HSH2D: variants seen among roughly 807,000 people sequenced by gnomAD.
HSH2D encodes the protein hematopoietic SH2 domain containing.
In HSH2D, 16 loss-of-function variants were observed where a neutral mutation model predicts 21.5. That is an observed-to-expected ratio of 0.74 (90% CI 0.50 to 1.13). HSH2D has a LOEUF of 1.13. Ranked by LOEUF, HSH2D falls within the 50% of genes most tolerant of loss-of-function variation. HSH2D has a pLI of 0.00. For missense variants in HSH2D, 418 were observed against 441.4 expected, an observed-to-expected ratio of 0.95 and a Z score of 0.47; for synonymous variants, 172 against 184.7, an observed-to-expected ratio of 0.93 and a Z score of 0.56.
upstream of HSH2D, among the ~76,000 whole-genome samples, chr19:16,143,328 C>A (rs1203922640): frequency 1.3e-5 from 2 of 152,164 alleles, no homozygotes; most frequent in African/African-American, 4.8e-5. Flanking sequence ...AAGTGATCCG[C>A]CTGCCTCAGC....
In HSH2D at chr19:16,147,803, G is replaced by A. The variant is rs910671340; in HGVS notation, c.-27-921G>A. ...TGTGATTATAGGCACAGGCCGCTGT[G>A]CCCAGCTCATTTTTGTATTTTTGTA... On this transcript the variant is annotated intron_variant, in intron 1 of 5. Transcript: ENST00000613986. Among the ~76,000 whole-genome samples, 25 of 151,726 alleles carry A rather than the reference G, an allele frequency of 1.6e-4. No homozygotes were observed. The East Asian group carries it at 3.4e-3, about 21-fold the overall frequency.
upstream of HSH2D, among the ~76,000 whole-genome samples, chr19:16,140,426 G>A (rs2090992184): frequency 6.6e-6 from 1 of 152,100 alleles, no homozygotes; most frequent in Admixed American, 6.5e-5. Flanking sequence ...CCAACATGGT[G>A]AAACCCTGTC....
chr19:16,153,335 G>GCCCCACCCCAGTAGTCCCTCTGC, intron 4 of HSH2D, 127 bp downstream of exon 4: 11 of 926,256 alleles, frequency 1.2e-5, no homozygotes, highest in Non-Finnish European at 1.7e-5. Flanking sequence ...GGCCCCTCCG[G>GCCCCACCCCAGTAGTCCCTCTGC]CCCCACCCCA....
At chr19:16,143,230 G>A (rs989416482), upstream of HSH2D, among the ~76,000 whole-genome samples, 13 of 152,102 alleles carry the variant, frequency 8.5e-5, no homozygotes, top group Admixed American at 2.6e-4. Flanking sequence ...GATTACAGGC[G>A]TGCGCCGCCA....
At position 16,157,029 on chromosome 19, in the gene HSH2D, G is replaced by A. The variant is rs1193695997; in HGVS notation, c.475-181G>A. On this transcript the variant is annotated intron_variant, in intron 5 of 5. Transcript: ENST00000613986. This position sits in a 1 kb window ranked among gnomAD's most constrained non-coding sequence, Gnocchi z 4.4. ...AAGAACAAGTTTGCCAACCCCTGGG[G>A]GAGACAGTGAAGCCATTTACTGAGA... is the stretch of plus-strand genomic sequence containing the variant. Among the ~76,000 whole-genome samples the A allele has an allele frequency of 6.6e-6, 1 of 152,036 alleles. No homozygotes were observed.
At chr19:16,152,112 A>C (rs1336214680) in intron 2 of HSH2D, among the ~76,000 whole-genome samples, 1 of 135,194 alleles carries the variant, frequency 7.4e-6, no homozygotes, top group East Asian at 2.3e-4. Flanking sequence ...TCTCAACAAA[A>C]AAAAAAAAAA....
chr19:16,137,232 A>T lies in HSH2D; in HGVS notation c.-324+2997A>T, dbSNP rs117835846. Among the ~76,000 whole-genome samples the T allele has an allele frequency of 2.6e-3, 400 of 152,288 alleles. 3 individuals carry two copies. Among genetic ancestry groups the T allele is most frequent in the Non-Finnish European group, 4.9e-3 (333 of 68,010 alleles). ...CCAGGGAGATGATGGATCCCAGAGG[A>T]GGCACAGGTACATACATAATGAGCA... On this transcript the variant is annotated intron_variant, in intron 1 of 7. Transcript: ENST00000616645.
chr19:16,140,746 C>T (rs879875249), upstream of HSH2D, among the ~76,000 whole-genome samples: 2 of 151,706 alleles, frequency 1.3e-5, no homozygotes, highest in African/African-American at 2.4e-5. Context: ...ATTAGCCAGG[C>T]GTGGTGGTGG....
At position 16,157,166 on chromosome 19, in the gene HSH2D, C is replaced by G. The variant is rs372580975; in HGVS notation, c.475-44C>G. The G allele has an allele frequency of 2.0e-6, 3 of 1,474,100 alleles. No individual in the cohort carries two copies. Among genetic ancestry groups the G allele is most frequent in the Non-Finnish European group, 2.7e-6 (3 of 1,098,194 alleles). The allele number at this position is 1,474,100 out of a possible 1,614,324, so 91.3% of individuals were successfully genotyped here. On this transcript the variant is annotated intron_variant, in intron 5 of 5. Coordinates refer to ENST00000613986, the MANE Select transcript of HSH2D (RefSeq NM_001382417.1). This position sits in a 1 kb window ranked among gnomAD's most constrained non-coding sequence, Gnocchi z 4.4. ...CAATTTCTGGGACAGACATGGTGCT[C>G]TGGTGGGCAAGCTGCCCCAGGCCTC...
Position 16,136,186 on chromosome 19 carries a change from C to T in HSH2D, c.-324+1951C>T, listed in dbSNP as rs1433449384. Reference sequence around the variant, plus strand: ...CTCAGGAGGACCCTGAATCCTGATACTAAAACTCAAAAGTCACCCCCTGCC... The same window carrying T: ...CTCAGGAGGACCCTGAATCCTGATATTAAAACTCAAAAGTCACCCCCTGCC... On this transcript the variant is annotated intron_variant, in intron 1 of 7. Coordinates refer to the HSH2D transcript ENST00000616645. Among the ~76,000 whole-genome samples, 10 of 152,172 alleles carry T rather than the reference C, an allele frequency of 6.6e-5. 1 individual carries two copies. The highest frequency in any genetic ancestry group is 6.6e-4 in the Admixed American group (10 of 15,258).
At chr19:16,152,867 T>A in intron 3 of HSH2D, 176 bp from the exon 4 acceptor site, 1 of 816,340 alleles carries the variant, frequency 1.2e-6, no homozygotes, top group Non-Finnish European at 2.0e-6. Flanking sequence ...TGGGGGAAAC[T>A]GAGGCACAGC....
Position 16,157,834 on chromosome 19 carries a change from G to T in HSH2D, c.*40G>T, listed in dbSNP as rs765920434. On this transcript the variant is annotated 3_prime_UTR_variant, in exon 6 of 6. Coordinates refer to ENST00000613986, the MANE Select transcript of HSH2D (RefSeq NM_001382417.1). The surrounding 1 kb of genome is among the most constrained non-coding windows in gnomAD (Gnocchi z 4.4). ...CTGGCTCTGGGACTCGCTGCCAGGG[G>T]CTGCCACACTCCTGAATGCCTTAAC... 1 of 1,401,092 alleles carries T rather than the reference G, an allele frequency of 7.1e-7. No individual in the cohort carries two copies. The highest frequency in any genetic ancestry group is 9.6e-7 in the Non-Finnish European group (1 of 1,038,088). 86.8% of individuals were successfully genotyped at this position (1,401,092 alleles called of 1,614,324 possible).
At chr19:16,153,381 G>T (rs2091191203) in intron 4 of HSH2D, among the ~76,000 whole-genome samples, 173 bp downstream of exon 4, 1 of 152,234 alleles carries the variant, frequency 6.6e-6, no homozygotes, top group Non-Finnish European at 1.5e-5. Context: ...TCTCCGTTGT[G>T]GTTCCTGCTT....
chr19:16,142,325 T>C (rs1052758032), upstream of HSH2D, among the ~76,000 whole-genome samples: 1 of 152,194 alleles, frequency 6.6e-6, no homozygotes, highest in Non-Finnish European at 1.5e-5. Context: ...CTTCTCACCC[T>C]CAAATGCCCC....
At chr19:16,142,696 C>G (rs1274283824), upstream of HSH2D, among the ~76,000 whole-genome samples, 1 of 152,144 alleles carries the variant, frequency 6.6e-6, no homozygotes, top group Admixed American at 6.6e-5. Context: ...CTCCTGACCT[C>G]AAATGATCTG....
At chr19:16,136,053 C>A (rs2090961773) in intron 1 of HSH2D, among the ~76,000 whole-genome samples, 1 of 152,162 alleles carries the variant, frequency 6.6e-6, no homozygotes, top group Non-Finnish European at 1.5e-5. Context: ...AACCCCCAGC[C>A]ACAAACTCCC....
At chr19:16,147,792 C>T (rs747685950) in intron 1 of HSH2D, among the ~76,000 whole-genome samples, 8 of 151,520 alleles carry the variant, frequency 5.3e-5, no homozygotes, top group Admixed American at 2.0e-4. Flanking sequence ...ATTATAGGCA[C>T]AGGCCGCTGT....
At position 16,157,216 on chromosome 19, in the gene HSH2D, C is replaced by T; in HGVS notation, c.481C>T (p.Pro161Ser). ...CCCCTACTCTCATTTTCAGGCCTCC[C>T]CAAAGCCAGTCCTGTGTCACCAATC... ...CPVSAPEEAS[P>S]KPVLCHQSKE... Residue 161 changes from proline (P) to serine (S), a missense_variant, in exon 6 of 6, where the codon CCA becomes TCA. Pro to Ser is a moderately conservative substitution (Grantham distance 74, BLOSUM62 -1). Coordinates refer to ENST00000613986, the MANE Select transcript of HSH2D (RefSeq NM_001382417.1). The surrounding 1 kb of genome is among the most constrained non-coding windows in gnomAD (Gnocchi z 4.4). 6.5e-7 allele frequency: 1 copy of T among 1,531,960 alleles called. No homozygotes were observed. The highest frequency in any genetic ancestry group is 2.3e-5 in the East Asian group (1 of 44,166). 94.9% of individuals were successfully genotyped at this position (1,531,960 alleles called of 1,614,324 possible).
chr19:16,143,906 T>G (rs2091027690), intron 1 of HSH2D, 132 bp downstream of exon 1: 6 of 255,228 alleles, frequency 2.4e-5, no homozygotes, highest in Admixed American at 5.0e-5. Flanking sequence ...GAGAGCTTCG[T>G]GGAGGAGGGG....
Sources: gnomAD v4.1 joint callset for allele counts (sites outside exome capture counted in the v4.1 genomes callset) on GRCh38, gnomAD v4.1.1 for gene constraint, Gnocchi (gnomAD v3.1) non-coding constraint, MANE v1.5 for transcripts, NCBI Gene and HGNC (gene_info 2026-07-23, HGNC 2026-07-21) for gene names.